CSMD1: variants seen among roughly 807,000 people sequenced by gnomAD.
The protein encoded by CSMD1 is CUB and sushi domain-containing protein 1.
CSMD1 carries 213 observed loss-of-function variants against 417.5 expected under a neutral mutation model. The ratio of observed to expected loss-of-function variants is 0.51; its 90% CI spans 0.46 to 0.57. The LOEUF (loss-of-function observed/expected upper bound fraction) is 0.57. Ranked by LOEUF, CSMD1 falls within the 20% of genes least tolerant of loss-of-function variation. The pLI, the probability that CSMD1 is intolerant of heterozygous loss-of-function variation, is 0.00. For missense variants in CSMD1, 6,923 were observed against 4,529.7 expected (o/e 1.53, Z -15.17); for synonymous variants, 2,862 against 1,736.8 (o/e 1.65, Z -16.11).
intron 7 of CSMD1, among the ~76,000 whole-genome samples, chr8:3,647,912 C>G (rs1037163516): frequency 1.3e-5 from 2 of 152,222 alleles, no homozygotes; most frequent in African/African-American, 4.8e-5. Flanking sequence ...AAACAAATTA[C>G]TCTGTTTGTT....
At chr8:4,728,037 TG>T (rs1481777143) in intron 1 of CSMD1, among the ~76,000 whole-genome samples, 3 of 146,766 alleles carry the variant, frequency 2.0e-5, no homozygotes, top group Non-Finnish European at 4.5e-5. Context: ...TCTATTTTTT[TG>T]GTTTATTGTT....
At chr8:3,638,141 T>A (rs1292121489) in intron 7 of CSMD1, among the ~76,000 whole-genome samples, 1 of 152,150 alleles carries the variant, frequency 6.6e-6, no homozygotes, top group Non-Finnish European at 1.5e-5. Flanking sequence ...AAACGTAAGA[T>A]CTCCTGCCCC....
At chr8:3,173,605 G>C (rs1481630428) in intron 37 of CSMD1, among the ~76,000 whole-genome samples, 1 of 152,232 alleles carries the variant, frequency 6.6e-6, no homozygotes, top group African/African-American at 2.4e-5. Flanking sequence ...ATGAAGATTA[G>C]TTATTACACT....
chr8:4,846,093 G>A (rs1023829662), intron 1 of CSMD1, among the ~76,000 whole-genome samples: 8 of 152,150 alleles, frequency 5.3e-5, no homozygotes, highest in East Asian at 1.9e-4. Flanking sequence ...AACAGTTGCA[G>A]GAGTTAGAAC....
chr8:4,014,913 T>A (rs998512060), intron 4 of CSMD1, among the ~76,000 whole-genome samples: 1 of 152,202 alleles, frequency 6.6e-6, no homozygotes, highest in Non-Finnish European at 1.5e-5. Context: ...CTTCTGATTA[T>A]TTTTTAAGCC....
chr8:4,381,327 T>C (rs1010695492), intron 3 of CSMD1, among the ~76,000 whole-genome samples: 1 of 152,140 alleles, frequency 6.6e-6, no homozygotes, highest in African/African-American at 2.4e-5. Context: ...TGGCTATTCA[T>C]TCCCAACACA....
intron 5 of CSMD1, among the ~76,000 whole-genome samples, chr8:3,929,106 G>C (rs1003220802): frequency 1.3e-5 from 2 of 150,308 alleles, no homozygotes; most frequent in Non-Finnish European, 3.0e-5. Flanking sequence ...GGAGTGAGGA[G>C]AGATGAAACT....
At chr8:4,114,610 G>T (rs928344670) in intron 3 of CSMD1, among the ~76,000 whole-genome samples, 1 of 152,086 alleles carries the variant, frequency 6.6e-6, no homozygotes, top group East Asian at 1.9e-4. Flanking sequence ...CGATGGACTT[G>T]GTCAAAATAA....
At chr8:4,842,736 T>A (rs549061774) in intron 1 of CSMD1, among the ~76,000 whole-genome samples, 8 of 152,344 alleles carry the variant, frequency 5.3e-5, no homozygotes, top group African/African-American at 1.7e-4. Flanking sequence ...AGTTTTTGAA[T>A]GTTATTTATT....
intron 3 of CSMD1, among the ~76,000 whole-genome samples, chr8:4,263,037 T>C (rs1473646124): frequency 1.3e-5 from 2 of 152,198 alleles, no homozygotes; most frequent in Admixed American, 6.5e-5. Context: ...TAATGAATGT[T>C]AGAACAGAAT....
chr8:3,957,885 G>T (rs138816856), intron 5 of CSMD1, among the ~76,000 whole-genome samples: 1 of 152,178 alleles, frequency 6.6e-6, no homozygotes, highest in African/African-American at 2.4e-5. Context: ...TGGGGCTATC[G>T]CTGTATAATA....
chr8:4,127,216 G>A (rs1802816070), intron 3 of CSMD1, among the ~76,000 whole-genome samples: 1 of 151,894 alleles, frequency 6.6e-6, no homozygotes, highest in Non-Finnish European at 1.5e-5. Context: ...CCCCCTCCAG[G>A]ATCAAACCCA....
At chr8:3,969,072 G>T (rs531395988) in intron 5 of CSMD1, among the ~76,000 whole-genome samples, 1 of 152,138 alleles carries the variant, frequency 6.6e-6, no homozygotes, top group East Asian at 1.9e-4. Context: ...ACAACATGGT[G>T]CAAGCACATC....
chr8:4,966,538 G>A (rs532955175), intron 1 of CSMD1, among the ~76,000 whole-genome samples: 2 of 152,298 alleles, frequency 1.3e-5, no homozygotes, highest in South Asian at 2.1e-4. Flanking sequence ...AACTGTCACT[G>A]TCCATCTGAG....
intron 8 of CSMD1, among the ~76,000 whole-genome samples, chr8:3,592,820 G>A (rs2117034501): frequency 6.6e-6 from 1 of 152,226 alleles, no homozygotes; most frequent in South Asian, 2.1e-4. Context: ...TTCACAGTGG[G>A]ATCCAGGTGT....
At chr8:3,841,541 A>G (rs954043634) in intron 5 of CSMD1, among the ~76,000 whole-genome samples, 1 of 152,156 alleles carries the variant, frequency 6.6e-6, no homozygotes, top group African/African-American at 2.4e-5. Flanking sequence ...AAAATTCCAC[A>G]AAGCACATAT....
chr8:4,815,703 A>T (rs2117358095), intron 1 of CSMD1, among the ~76,000 whole-genome samples: 1 of 151,036 alleles, frequency 6.6e-6, no homozygotes, highest in African/African-American at 2.4e-5. Flanking sequence ...TCAAAAAAAA[A>T]AAAAAAAAAA....
chr8:4,658,374 C>A (rs77690085), intron 1 of CSMD1, among the ~76,000 whole-genome samples: 4,809 of 152,116 alleles, frequency 0.032, 108 homozygotes, highest in Non-Finnish European at 0.047. Context: ...TTATTATACA[C>A]AACAGATCCT....
chr8:2,962,625 C>T lies in CSMD1; in HGVS notation c.9469G>A (p.Asp3157Asn). The change falls in exon 61 of 70, where the codon GAC becomes AAC. Residue 3157 changes from aspartate (D) to asparagine (N), a missense_variant. By Grantham distance (23) the Asp-to-Asn change is conservative. Coordinates refer to ENST00000635120, the MANE Select transcript of CSMD1 (RefSeq NM_033225.6). ...IPQCLPVFCG[D>N]PGIPAEGRLS... ...CGCCCTTCTGCGGGGATGCCAGGGTCTCCGCAGAACACAGCTATGGAAGAT... is the reference window on the plus strand; with the variant it reads ...CGCCCTTCTGCGGGGATGCCAGGGTTTCCGCAGAACACAGCTATGGAAGAT... The T allele has an allele frequency of 6.2e-7, 1 of 1,613,734 alleles. No homozygotes were observed. The highest frequency in any genetic ancestry group is 8.5e-7 in the Non-Finnish European group (1 of 1,179,768).
Sources: gnomAD v4.1 joint callset for allele counts (sites outside exome capture counted in the v4.1 genomes callset) on GRCh38, gnomAD v4.1.1 for gene constraint, MANE v1.5 for transcripts, NCBI Gene and HGNC (gene_info 2026-07-23, HGNC 2026-07-21) for gene names.